KRT72: variants seen among roughly 807,000 people sequenced by gnomAD.
The protein encoded by KRT72 is keratin, type II cytoskeletal 72.
Under a neutral mutation model 44.7 loss-of-function variants are expected in KRT72, and 44 were observed. The observed-to-expected ratio is 0.98, with a 90% CI of 0.77 to 1.27. The LOEUF is 1.27. Ranked by LOEUF, KRT72 falls within the 50% of genes most tolerant of loss-of-function variation. KRT72 has a pLI of 0.00. For synonymous variants in KRT72, 302 were observed against 280.4 expected (o/e 1.08, Z -0.77); for missense variants, 736 against 667.1 (o/e 1.10, Z -1.14).
chr12:52,593,364 T>C (rs1429748020), intron 2 of KRT72, among the ~76,000 whole-genome samples: 1 of 152,238 alleles, frequency 6.6e-6, no homozygotes, highest in Non-Finnish European at 1.5e-5. Context: ...CATTCTCACT[T>C]TCAAACTGTA....
intron 2 of KRT72, among the ~76,000 whole-genome samples, chr12:52,593,477 C>T (rs1169583869): frequency 6.6e-6 from 1 of 152,230 alleles, no homozygotes; most frequent in Non-Finnish European, 1.5e-5. Flanking sequence ...GTTCTTAATA[C>T]AGACATATTG....
chr12:52,587,109 T>C, intron 7 of KRT72, 129 bp from the exon 8 acceptor site: 1 of 805,494 alleles, frequency 1.2e-6, no homozygotes. Context: ...CCTCCTTTCT[T>C]CCCACACATC....
At chr12:52,591,235 G>A (rs1940004516) in intron 5 of KRT72, among the ~76,000 whole-genome samples, 1 of 152,208 alleles carries the variant, frequency 6.6e-6, no homozygotes, top group Non-Finnish European at 1.5e-5. Context: ...CGTGATAGGA[G>A]AAGGGCTAAG....
At chr12:52,600,541 G>A (rs927425654) in intron 1 of KRT72, among the ~76,000 whole-genome samples, 3 of 152,106 alleles carry the variant, frequency 2.0e-5, no homozygotes, top group Non-Finnish European at 2.9e-5. Context: ...CATAGGGGCC[G>A]GTCTTTCTCC....
chr12:52,591,523 GGGCAC>G lies in KRT72; in HGVS notation c.899_903del (p.Arg300ProfsTer14). The G allele has an allele frequency of 6.2e-7, 1 of 1,614,070 alleles. No homozygotes were observed. Among genetic ancestry groups the G allele is most frequent in the Non-Finnish European group, 8.5e-7 (1 of 1,179,958 alleles). ...CTCTTTAGGGCAATCTCCTCGTACT[GGGCAC>G]GGACCTCGGCAATGATGCTGTCCAG... On this transcript the variant is annotated frameshift_variant, in exon 5 of 9. Transcript: ENST00000293745. LOFTEE classifies it high-confidence loss of function.
At chr12:52,590,065 G>C (rs1939938736) in intron 6 of KRT72, among the ~76,000 whole-genome samples, 1 of 152,146 alleles carries the variant, frequency 6.6e-6, no homozygotes, top group Admixed American at 6.5e-5. Context: ...GTGCAGGGGA[G>C]GGTAAGGAGA....
At chr12:52,594,954 A>C (rs751699951) in intron 2 of KRT72, among the ~76,000 whole-genome samples, 6 of 152,224 alleles carry the variant, frequency 3.9e-5, no homozygotes, top group Non-Finnish European at 8.8e-5. Flanking sequence ...AAATTATGTC[A>C]TGAAACAGCT....
intron 6 of KRT72, 121 bp from the exon 7 acceptor site, chr12:52,587,972 C>T: frequency 2.1e-6 from 2 of 956,162 alleles, no homozygotes; most frequent in Non-Finnish European, 3.1e-6. Flanking sequence ...CCTGGTTTAT[C>T]CAACTTTGGC....
upstream of KRT72, chr12:52,601,579 A>C (rs1393572408): frequency 1.7e-5 from 16 of 937,922 alleles, no homozygotes; most frequent in Non-Finnish European, 2.2e-5. Flanking sequence ...TATGTCGACA[A>C]CACCTTTTAG....
intron 2 of KRT72, among the ~76,000 whole-genome samples, chr12:52,593,384 T>C (rs1212040113): frequency 2.0e-5 from 3 of 152,360 alleles, no homozygotes; most frequent in South Asian, 2.1e-4. Flanking sequence ...ATGTTATACC[T>C]ATTTCTTATA....
upstream of KRT72, among the ~76,000 whole-genome samples, chr12:52,602,104 T>C (rs1251018056): frequency 1.3e-5 from 2 of 152,160 alleles, no homozygotes; most frequent in African/African-American, 2.4e-5. Flanking sequence ...GGGTTGACTT[T>C]GGACCAGAGC....
At chr12:52,591,949 G>A (rs1940049850) in intron 4 of KRT72, among the ~76,000 whole-genome samples, 1 of 152,170 alleles carries the variant, frequency 6.6e-6, no homozygotes, top group South Asian at 2.1e-4. Context: ...CCCCTAGGGA[G>A]TCACTAGCAC....
chr12:52,594,477 G>A (rs1009525624), intron 2 of KRT72, among the ~76,000 whole-genome samples: 6 of 152,156 alleles, frequency 3.9e-5, no homozygotes, highest in Non-Finnish European at 8.8e-5. Flanking sequence ...GATGAAGCTG[G>A]AAACCATCAT....
chr12:52,595,717 G>A (rs768023857), intron 2 of KRT72, among the ~76,000 whole-genome samples: 1 of 152,166 alleles, frequency 6.6e-6, no homozygotes, highest in Non-Finnish European at 1.5e-5. Context: ...TAGGTGTATT[G>A]AGTACTAACA....
chr12:52,602,220 G>T (rs1302046230), upstream of KRT72, among the ~76,000 whole-genome samples: 2 of 152,198 alleles, frequency 1.3e-5, no homozygotes, highest in African/African-American at 2.4e-5. Flanking sequence ...CTCAGGCATG[G>T]TTTAGCAGAT....
At chr12:52,595,806 A>G (rs879654976) in intron 2 of KRT72, among the ~76,000 whole-genome samples, 7 of 152,222 alleles carry the variant, frequency 4.6e-5, no homozygotes, top group Admixed American at 3.3e-4. Context: ...TTGTATAAGC[A>G]TGGCCATTTG....
At chr12:52,592,844 A>T (rs1940097450) in intron 3 of KRT72, 48 bp downstream of exon 3, 1 of 1,529,106 alleles carries the variant, frequency 6.5e-7, no homozygotes, top group African/African-American at 1.4e-5. Flanking sequence ...TCATTGTGCC[A>T]GGTGGTCAGG....
At chr12:52,595,005 A>G (rs1042046627) in intron 2 of KRT72, among the ~76,000 whole-genome samples, 1 of 152,222 alleles carries the variant, frequency 6.6e-6, no homozygotes, top group Non-Finnish European at 1.5e-5. Context: ...TTATCTTACA[A>G]AAAGATTAAT....
At chr12:52,590,443 G>C (rs1420519309) in intron 6 of KRT72, among the ~76,000 whole-genome samples, 1 of 152,174 alleles carries the variant, frequency 6.6e-6, no homozygotes, top group African/African-American at 2.4e-5. Context: ...TTCCTACCCA[G>C]TGGTGTACCC....
Sources: allele counts gnomAD v4.1 joint callset (sites outside exome capture counted in the v4.1 genomes callset), GRCh38; gene constraint gnomAD v4.1.1; transcripts MANE v1.5; gene names NCBI Gene and HGNC (gene_info 2026-07-23, HGNC 2026-07-21).